The following LRRK1 variants were observed in gnomAD, a reference collection of about 807,000 sequenced individuals.
The protein encoded by LRRK1 is leucine rich repeat kinase 1.
A neutral mutation model predicts 209.1 loss-of-function variants in LRRK1; 113 were observed. That is an observed-to-expected ratio of 0.54 (90% CI 0.46 to 0.63). The LOEUF is 0.63. Ranked by LOEUF, LRRK1 falls within the 30% of genes least tolerant of loss-of-function variation. The probability of loss-of-function intolerance (pLI) is 0.00; values close to 1 mark genes in which losing one functional copy is unlikely to be tolerated. For synonymous variants in LRRK1, 1,144 were observed against 1,099.7 expected (o/e 1.04, Z -0.80); for missense variants, 2,284 against 2,632.2 (o/e 0.87, Z 2.89).
Position 100,987,019 on chromosome 15 carries a change from G to A in LRRK1, c.434-1615G>A, listed in dbSNP as rs775271876. On this transcript the variant is annotated intron_variant, in intron 4 of 33. Coordinates refer to ENST00000388948, the MANE Select transcript of LRRK1 (RefSeq NM_024652.6). ...ATCCCCATCTCAACAGAAGTTACTA[G>A]CATGGTTACTGTGTTTCTCTTACCC... Among the ~76,000 whole-genome samples, 140 of 152,164 alleles carry A rather than the reference G, an allele frequency of 9.2e-4. 1 individual carries two copies. The highest frequency in any genetic ancestry group is 1.3e-3 in the Non-Finnish European group (90 of 68,036).
chr15:101,055,346 A>T (rs1310201027), intron 27 of LRRK1, 123 bp downstream of exon 27: 6 of 940,216 alleles, frequency 6.4e-6, no homozygotes, highest in Non-Finnish European at 8.8e-6. Flanking sequence ...CATTTTTCTC[A>T]CTCTCCCTTG....
At chr15:100,974,200 C>T in intron 3 of LRRK1, 2 of 385,756 alleles carry the variant, frequency 5.2e-6, no homozygotes, top group African/African-American at 2.1e-5. Context: ...CTTTGAGGGA[C>T]GGGGGTGTGG....
rs1371757436 is a variant in LRRK1 at position 101,076,788 on chromosome 15, A to C, written c.*7940A>C. 6.6e-6 allele frequency: 1 copy of C among 152,354 alleles called. No individual in the cohort carries two copies. The highest frequency in any genetic ancestry group is 2.4e-5 in the African/African-American group (1 of 41,446). 9.4% of individuals were successfully genotyped at this position (152,354 alleles called of 1,614,324 possible). ...AATTGACTTTACTCAACATGCCCCGAGTCAGATAACTAAAATACCTCTTAT... is the reference window on the plus strand; with the variant it reads ...AATTGACTTTACTCAACATGCCCCGCGTCAGATAACTAAAATACCTCTTAT... On this transcript the variant is annotated 3_prime_UTR_variant, in exon 34 of 34. Coordinates refer to ENST00000388948, the MANE Select transcript of LRRK1 (RefSeq NM_024652.6).
At position 101,022,657 on chromosome 15, in the gene LRRK1, T is replaced by C. The variant is rs1300086594; in HGVS notation, c.2067+60T>C. ...TGGGAGGAACATCCCTTGGACTCCTTCTCCCTTCTCCCCAGAGAGCCCAGG... is the reference window on the plus strand; with the variant it reads ...TGGGAGGAACATCCCTTGGACTCCTCCTCCCTTCTCCCCAGAGAGCCCAGG... On this transcript the variant is annotated intron_variant, in intron 15 of 33. Transcript: ENST00000388948. The surrounding 1 kb of genome is among the most constrained non-coding windows in gnomAD (Gnocchi z 4.0). 3 of 1,197,742 alleles carry C rather than the reference T, an allele frequency of 2.5e-6. No individual in the cohort carries two copies. In the African/African-American group the frequency reaches 4.5e-5, roughly 18 times the overall value. 74.2% of individuals were successfully genotyped at this position (1,197,742 alleles called of 1,614,324 possible). A position where few individuals can be genotyped will look rare whatever the true frequency, so the allele number is the denominator to read the frequency against.
chr15:100,965,200 T>A (rs1264875922), intron 2 of LRRK1, among the ~76,000 whole-genome samples: 1 of 152,218 alleles, frequency 6.6e-6, no homozygotes, highest in African/African-American at 2.4e-5. Flanking sequence ...TTTCTGTAAT[T>A]AGAATAATTT....
intron 3 of LRRK1, among the ~76,000 whole-genome samples, chr15:100,976,010 T>G (rs969446076): frequency 2.2e-4 from 33 of 152,056 alleles, no homozygotes; most frequent in Admixed American, 1.2e-3. Flanking sequence ...TCATGACAGT[T>G]TATACAAGCA....
At chr15:101,028,565 T>C (rs2034145861) in intron 19 of LRRK1, among the ~76,000 whole-genome samples, 1 of 152,242 alleles carries the variant, frequency 6.6e-6, no homozygotes, top group Non-Finnish European at 1.5e-5. Flanking sequence ...AGTTGTCCTG[T>C]TCAGCCTCCG....
At position 101,036,381 on chromosome 15, in the gene LRRK1, T is replaced by G. The variant is rs189525282; in HGVS notation, c.2963+7149T>G. On this transcript the variant is annotated intron_variant, in intron 20 of 33. Transcript: ENST00000388948. ...TTATGATTCTGCTTGATCTAGCCTA[T>G]TGTTGAAGCTTTTGAATGTATTTTA... Among the ~76,000 whole-genome samples the G allele has an allele frequency of 2.9e-4, 44 of 152,302 alleles. No homozygotes were observed. The South Asian group carries it at 3.7e-3, about 13-fold the overall frequency.
intron 29 of LRRK1, among the ~76,000 whole-genome samples, chr15:101,059,201 G>A (rs2036006511): frequency 6.6e-6 from 1 of 152,166 alleles, no homozygotes; most frequent in Non-Finnish European, 1.5e-5. Context: ...ACCAGTCTAG[G>A]AAACATGGTG....
intron 29 of LRRK1, among the ~76,000 whole-genome samples, chr15:101,059,854 A>G (rs887169477): frequency 1.3e-5 from 2 of 152,218 alleles, no homozygotes; most frequent in African/African-American, 4.8e-5. Context: ...CGGGGCAGGG[A>G]GTGCACCTGG....
Position 101,024,886 on chromosome 15 carries a change from G to A in LRRK1, c.2151G>A (p.Lys717=). The change falls in exon 16 of 34, where the codon AAG becomes AAA. Residue 717 remains lysine, a synonymous_variant. Transcript: ENST00000388948. The surrounding 1 kb of genome is among the most constrained non-coding windows in gnomAD (Gnocchi z 4.6). ...TCAACCAGTGCTTCTTCACGGACAAGGCCCTGTACGTGGTGGTCTGGAACC... is the reference window on the plus strand; with the variant it reads ...TCAACCAGTGCTTCTTCACGGACAAAGCCCTGTACGTGGTGGTCTGGAACC... ...ATVNQCFFTD[K]ALYVVVWNLA... is the part of the protein sequence containing the mutation. The A allele has an allele frequency of 6.2e-7, 1 of 1,614,190 alleles. No homozygotes were observed. Among genetic ancestry groups the A allele is most frequent in the Non-Finnish European group, 8.5e-7 (1 of 1,180,016 alleles).
chr15:101,046,999 C>T (rs2035116174), intron 21 of LRRK1, among the ~76,000 whole-genome samples: 2 of 152,232 alleles, frequency 1.3e-5, no homozygotes, highest in Non-Finnish European at 1.5e-5. Flanking sequence ...CAGGCCCCAC[C>T]TCAAACCCAC....
Position 101,046,110 on chromosome 15 carries a change from T to C in LRRK1, c.3093T>C (p.Phe1031=), listed in dbSNP as rs1431839508. 1.9e-6 allele frequency: 3 copies of C among 1,614,124 alleles called. No individual in the cohort carries two copies. The Admixed American group carries it at 5.0e-5, about 27-fold the overall frequency. Reference sequence around the variant, plus strand: ...TTCCCGTTGGCTTCTGGCAAAGGTTTATAGCACGGATGCTGATCAGCCTGG... The same window carrying C: ...TTCCCGTTGGCTTCTGGCAAAGGTTCATAGCACGGATGCTGATCAGCCTGG... The part of the protein sequence containing the change: ...SFVPVGFWQR[F]IARMLISLAE... Residue 1031 remains phenylalanine (F), a synonymous_variant, in exon 21 of 34, where the codon TTT becomes TTC. Coordinates refer to ENST00000388948, the MANE Select transcript of LRRK1 (RefSeq NM_024652.6).
intron 33 of LRRK1, among the ~76,000 whole-genome samples, chr15:101,068,188 G>C (rs1047790444): frequency 6.6e-6 from 1 of 152,204 alleles, no homozygotes; most frequent in African/African-American, 2.4e-5. Context: ...ATATAGTGAT[G>C]ACTTTGGGGC....
chr15:101,057,768 C>T (rs2141145963), intron 28 of LRRK1, among the ~76,000 whole-genome samples: 1 of 152,208 alleles, frequency 6.6e-6, no homozygotes, highest in East Asian at 1.9e-4. Context: ...TTCAGCTAAC[C>T]TGACCAGATG....
At chr15:100,925,756 T>TG (rs1030857279) in intron 2 of LRRK1, among the ~76,000 whole-genome samples, 1 of 152,190 alleles carries the variant, frequency 6.6e-6, no homozygotes, top group African/African-American at 2.4e-5. Flanking sequence ...ACCTGGCACA[T>TG]GGTACTTTTA....
chr15:101,062,691 G>T lies in LRRK1; in HGVS notation c.4914+1G>T. On this transcript the variant is annotated splice_donor_variant, in intron 31 of 33. Coordinates refer to ENST00000388948, the MANE Select transcript of LRRK1 (RefSeq NM_024652.6). LOFTEE classifies it high-confidence loss of function. ...CTTGGCCGTGCCTGTTATTAAAAAG[G>T]TGAGGTCGGGGCAAAGGCAGGTATG... The T allele has an allele frequency of 6.2e-7, 1 of 1,606,206 alleles. No homozygotes were observed. The highest frequency in any genetic ancestry group is 1.3e-5 in the African/African-American group (1 of 74,860).
At chr15:100,971,452 G>T (rs2030882826) in intron 2 of LRRK1, among the ~76,000 whole-genome samples, 1 of 152,192 alleles carries the variant, frequency 6.6e-6, no homozygotes, top group South Asian at 2.1e-4. Flanking sequence ...TTTAGCTTGA[G>T]AGCTGGGAGA....
At chr15:100,941,406 GTGTC>G (rs2042419929) in intron 2 of LRRK1, among the ~76,000 whole-genome samples, 1 of 12,792 alleles carries the variant, frequency 7.8e-5, no homozygotes, top group African/African-American at 3.0e-4. Flanking sequence ...GTGTCTGTGT[GTGTC>G]TCTGTGTGTG....
Sources: allele counts gnomAD v4.1 joint callset (sites outside exome capture counted in the v4.1 genomes callset), GRCh38; gene constraint gnomAD v4.1.1; non-coding constraint Gnocchi (gnomAD v3.1); transcripts MANE v1.5; gene names NCBI Gene and HGNC (gene_info 2026-07-23, HGNC 2026-07-21).